Variants in HELZ2 observed in about 807,000 individuals in gnomAD.
HELZ2 encodes the protein helicase with zinc finger 2, also known as 3'-5' exoribonuclease HELZ2.
Under a neutral mutation model 208.8 loss-of-function variants are expected in HELZ2, and 143 were observed. The ratio of observed to expected loss-of-function variants is 0.68; its 90% CI spans 0.60 to 0.79. The LOEUF (loss-of-function observed/expected upper bound fraction) is 0.79, where lower values mean the gene tolerates loss of function less well. Ranked by LOEUF, HELZ2 falls within the 30% of genes least tolerant of loss-of-function variation. The probability of loss-of-function intolerance (pLI) is 0.00; values close to 1 mark genes in which losing one functional copy is unlikely to be tolerated. For synonymous variants in HELZ2, 1,705 were observed against 1,693.7 expected, an observed-to-expected ratio of 1.01 and a Z score of -0.16; for missense variants, 3,690 against 3,794.5, an observed-to-expected ratio of 0.97 and a Z score of 0.72.
rs2082974794 is a variant in HELZ2, at chr20:63,567,442, G to A, written c.1916C>T (p.Ala639Val). The change falls in exon 6 of 19, where the codon GCG (alanine) becomes GTG (valine). Residue 639 changes from alanine to valine, a missense_variant. Physicochemically the swap from Ala to Val is moderately conservative, Grantham distance 64. Coordinates refer to ENST00000467148, the Ensembl canonical transcript of HELZ2. ...GGTGGTGACCACCACGCGGTGCCGC[G>A]CCAGCTCTGCCCGTGTGGGCGGGCG... 2.6e-6 allele frequency: 4 copies of A among 1,560,304 alleles called. No homozygotes were observed. The highest frequency in any genetic ancestry group is 2.4e-5 in the East Asian group (1 of 41,664).
chr20:63,563,466 C>T (rs1395118334), exon 8 of HELZ2: 11 of 1,523,358 alleles, frequency 7.2e-6, no homozygotes, highest in Non-Finnish European at 7.9e-6. Flanking sequence ...GGCCGGCCTG[C>T]CAGGGCGTGG....
In HELZ2 at chr20:63,560,464, G is replaced by C. The variant is rs776854465; in HGVS notation, c.7500+15C>G. 1 of 1,605,914 alleles carries C rather than the reference G, an allele frequency of 6.2e-7. No individual in the cohort carries two copies. Among genetic ancestry groups the C allele is most frequent in the Non-Finnish European group, 8.5e-7 (1 of 1,178,446 alleles). On this transcript the variant is annotated intron_variant, in intron 16 of 18. Transcript: ENST00000467148. The stretch of plus-strand genomic sequence containing the variant: ...CCAGAAAGCCCTCCCTGACTCACAG[G>C]CACCAGACACTCACCACCTCAGCCA...
At chr20:63,563,216 T>C in exon 8 of HELZ2, 1 of 1,578,006 alleles carries the variant, frequency 6.3e-7, no homozygotes, top group South Asian at 1.1e-5. Context: ...CTCCAGGAAA[T>C]GGCCACAGTG....
exon 8 of HELZ2, chr20:63,565,448 T>C: frequency 1.2e-6 from 2 of 1,609,804 alleles, no homozygotes; most frequent in Non-Finnish European, 1.7e-6. Flanking sequence ...CCGCTCGGGC[T>C]CCGCGTGCAG....
exon 8 of HELZ2, chr20:63,563,200 G>A (rs1429471550): frequency 6.3e-7 from 1 of 1,585,308 alleles, no homozygotes; most frequent in Non-Finnish European, 8.5e-7. Flanking sequence ...CCAGCTCCCG[G>A]GCCACCTCCA....
chr20:63,559,088 G>A (rs373337745), downstream of HELZ2: 151 of 792,362 alleles, frequency 1.9e-4, no homozygotes, highest in East Asian at 1.7e-3. Flanking sequence ...GGCCCTTGCC[G>A]TTCCTCCTCC....
chr20:63,572,411 C>A, exon 1 of HELZ2: 1 of 1,477,876 alleles, frequency 6.8e-7, no homozygotes, highest in South Asian at 1.3e-5. Flanking sequence ...TGCAAACTGG[C>A]AGCGGGACTC....
In HELZ2 at chr20:63,562,426, G is replaced by C. The variant is rs771548126; in HGVS notation, c.6303-44C>G. ...ACTGGAAAACCAACAGGACTCCCAG[G>C]AAAGGGGCTGCTGCCCCACGAGCTC... On this transcript the variant is annotated intron_variant, in intron 8 of 18. Coordinates refer to ENST00000467148, the Ensembl canonical transcript of HELZ2. The C allele has an allele frequency of 2.6e-6, 4 of 1,542,414 alleles. No homozygotes were observed. The Admixed American group carries it at 8.0e-5, about 31-fold the overall frequency.
At chr20:63,565,495 C>G in exon 8 of HELZ2, 6 of 1,606,752 alleles carry the variant, frequency 3.7e-6, no homozygotes, top group Non-Finnish European at 4.2e-6. Flanking sequence ...GGTTCTCGTA[C>G]AGCCGGGCCT....
intron 12 of HELZ2, 32 bp from the exon 14 acceptor site, chr20:63,561,498 C>G (rs778209359): frequency 4.4e-6 from 7 of 1,586,064 alleles, no homozygotes; most frequent in Middle Eastern, 1.7e-4. Flanking sequence ...GCCCTGTCCA[C>G]GCAGGGCCAT....
exon 18 of HELZ2, chr20:63,559,955 G>A (rs753959588): frequency 7.8e-5 from 125 of 1,609,962 alleles, no homozygotes; most frequent in Middle Eastern, 1.7e-4. Context: ...TCCTGGGCCC[G>A]CGTGACAGCC....
rs1288771077 is a variant in HELZ2 at position 63,564,513 on chromosome 20, T to C, written c.4309A>G (p.Ser1437Gly). 6.3e-7 allele frequency: 1 copy of C among 1,585,468 alleles called. No individual in the cohort carries two copies. The highest frequency in any genetic ancestry group is 2.3e-5 in the East Asian group (1 of 43,484). The change falls in exon 8 of 19, where the codon AGT (serine) becomes GGT (glycine). Residue 1437 changes from serine to glycine, a missense_variant. Around this residue, in one of 3 missense-constraint regions of HELZ2, gnomAD observed 2,564 missense variants for 2,580.5 expected, o/e 0.99. Transcript: ENST00000467148. Reference sequence around the variant, plus strand: ...AAGCGCAGGCTCTTCAGCTGGCCACTGGCCTTCTCCATGGTGAGGAACAGG... The same window carrying C: ...AAGCGCAGGCTCTTCAGCTGGCCACCGGCCTTCTCCATGGTGAGGAACAGG...
rs774292228 is a variant in HELZ2 at position 63,566,827 on chromosome 20, G to A, written c.2514+17C>T. ...CAGGGGTGCGGTCGGGGGCTGTCCC[G>A]GGCTGGCCGGGCTCACCTGGGCACC... is the stretch of plus-strand genomic sequence containing the variant. On this transcript the variant is annotated intron_variant, in intron 6 of 18. Coordinates refer to ENST00000467148, the Ensembl canonical transcript of HELZ2. 1.2e-5 allele frequency: 19 copies of A among 1,577,790 alleles called. No homozygotes were observed. The highest frequency in any genetic ancestry group is 3.4e-5 in the Admixed American group (2 of 59,190).
intron 5 of HELZ2, 198 bp from the exon 7 acceptor site, chr20:63,567,825 G>C: frequency 1.6e-6 from 2 of 1,281,120 alleles, no homozygotes; most frequent in African/African-American, 1.5e-5. Context: ...GGCAACACCT[G>C]GGCGAGCCCA....
In HELZ2 at chr20:63,563,075, A is replaced by G. The variant is rs773439764; in HGVS notation, c.5747T>C (p.Val1916Ala). 11 of 1,598,186 alleles carry G rather than the reference A, an allele frequency of 6.9e-6. No individual in the cohort carries two copies. The South Asian group carries it at 1.2e-4, about 18-fold the overall frequency. ...TGAGAAGCAGTCTCCGGGCCGCTCC[A>G]CGTGCTCCAGGCAGAGGCTGAAGCC... The change falls in exon 8 of 19, where the codon GTG (valine) becomes GCG (alanine). Residue 1916 changes from valine to alanine, a missense_variant. By Grantham distance (64) the Val-to-Ala change is moderately conservative. Coordinates refer to ENST00000467148, the Ensembl canonical transcript of HELZ2.
At chr20:63,558,785 G>C (rs541086064), downstream of HELZ2, 1 of 152,704 alleles carries the variant, frequency 6.5e-6, no homozygotes, top group African/African-American at 2.4e-5. Flanking sequence ...TGATCTGCCC[G>C]CCTCGGCTTC....
intron 16 of HELZ2, 30 bp from the exon 18 acceptor site, chr20:63,560,357 A>AC: frequency 6.4e-7 from 1 of 1,560,384 alleles, no homozygotes. Context: ...GGTGGAGCGG[A>AC]CCCTGGTGTC....
At chr20:63,560,920 G>C (rs151068704) in exon 15 of HELZ2, 1 of 1,612,840 alleles carries the variant, frequency 6.2e-7, no homozygotes, top group Non-Finnish European at 8.5e-7. Flanking sequence ...TGGTCTCCGA[G>C]AAGAACCACC....
exon 3 of HELZ2, chr20:63,570,607 G>A: frequency 6.2e-7 from 1 of 1,608,004 alleles, no homozygotes; most frequent in East Asian, 2.2e-5. Context: ...AAGGGTCTCT[G>A]CCAGCTGCGT....
Sources: gnomAD v4.1 joint callset for allele counts on GRCh38, gnomAD v4.1.1 for gene constraint, gnomAD v4.1.1 regional missense constraint, MANE v1.5 for transcripts, NCBI Gene and HGNC (gene_info 2026-07-23, HGNC 2026-07-21) for gene names.